The following INSC variants were observed in gnomAD, a reference collection of about 807,000 sequenced individuals.
INSC encodes the protein INSC spindle orientation adaptor protein.
A neutral mutation model predicts 58.6 loss-of-function variants in INSC; 67 were observed. The observed-to-expected ratio is 1.14, with a 90% CI of 0.94 to 1.40. The LOEUF (loss-of-function observed/expected upper bound fraction) is 1.40, where lower values mean the gene tolerates loss of function less well. INSC is among the 40% of genes most tolerant of loss of function. The pLI, the probability that INSC is intolerant of heterozygous loss-of-function variation, is 0.00. For missense variants in INSC, 714 were observed against 692.0 expected (o/e 1.03, Z -0.36); for synonymous variants, 262 against 276.1 (o/e 0.95, Z 0.51).
At chr11:15,242,681 T>G (rs1341972236) in intron 12 of INSC, among the ~76,000 whole-genome samples, 1 of 152,166 alleles carries the variant, frequency 6.6e-6, no homozygotes, top group African/African-American at 2.4e-5. Context: ...AATCTGTGTA[T>G]TAAAATTCTG....
chr11:15,170,615 A>G (rs1590393281), intron 2 of INSC, among the ~76,000 whole-genome samples: 1 of 152,176 alleles, frequency 6.6e-6, no homozygotes, highest in East Asian at 1.9e-4. Context: ...TGGTTAAAAT[A>G]GCGACTGCCA....
chr11:15,249,708 C>G (rs536276004), downstream of INSC, among the ~76,000 whole-genome samples: 1 of 152,128 alleles, frequency 6.6e-6, no homozygotes, highest in African/African-American at 2.4e-5. Flanking sequence ...GAAGTGTGCT[C>G]CAGGGAAAGG....
chr11:15,178,596 A>G (rs191967841), intron 5 of INSC, 149 bp downstream of exon 5: 8 of 1,006,138 alleles, frequency 8.0e-6, no homozygotes, highest in Non-Finnish European at 1.1e-5. Flanking sequence ...CAACTCCAGC[A>G]TTTGTGAAAC....
intron 1 of INSC, among the ~76,000 whole-genome samples, chr11:15,133,895 A>G (rs1423103368): frequency 6.6e-6 from 1 of 152,244 alleles, no homozygotes; most frequent in Admixed American, 6.5e-5. Context: ...TATTTAAAGT[A>G]TCTGGGCTAC....
At chr11:15,122,160 C>G (rs973424534) in intron 1 of INSC, among the ~76,000 whole-genome samples, 5 of 152,142 alleles carry the variant, frequency 3.3e-5, no homozygotes, top group Non-Finnish European at 7.4e-5. Context: ...TCAACCAATA[C>G]AATACATTGT....
At chr11:15,236,297 G>C (rs74512149) in intron 10 of INSC, among the ~76,000 whole-genome samples, 45 of 152,050 alleles carry the variant, frequency 3.0e-4, no homozygotes, top group African/African-American at 1.0e-3. Flanking sequence ...TCTCAGGGTG[G>C]GGGGGTGGTG....
At chr11:15,245,051 G>T (rs564982664) in intron 12 of INSC, among the ~76,000 whole-genome samples, 1 of 152,184 alleles carries the variant, frequency 6.6e-6, no homozygotes, top group African/African-American at 2.4e-5. Context: ...TGTGTTGTCT[G>T]CTATAGATAC....
intron 12 of INSC, among the ~76,000 whole-genome samples, chr11:15,245,595 G>T (rs1564927354): frequency 6.6e-6 from 1 of 152,136 alleles, no homozygotes; most frequent in Non-Finnish European, 1.5e-5. Context: ...TGAATGAATA[G>T]TTCTTGCTGT....
intron 2 of INSC, among the ~76,000 whole-genome samples, chr11:15,173,648 A>G (rs1849478065): frequency 6.6e-6 from 1 of 152,066 alleles, no homozygotes; most frequent in Non-Finnish European, 1.5e-5. Flanking sequence ...ATATGCATGT[A>G]TATGTATATG....
At chr11:15,141,191 C>T (rs1848362796) in intron 1 of INSC, among the ~76,000 whole-genome samples, 1 of 152,118 alleles carries the variant, frequency 6.6e-6, no homozygotes, top group African/African-American at 2.4e-5. Context: ...GCTGCCTGGA[C>T]ATTGCCCAGG....
intron 2 of INSC, among the ~76,000 whole-genome samples, chr11:15,152,127 G>T (rs1376164763): frequency 6.6e-6 from 1 of 152,194 alleles, no homozygotes; most frequent in Non-Finnish European, 1.5e-5. Context: ...AGTTATATGG[G>T]AACAGCCTTT....
Position 15,114,995 on chromosome 11 carries a change from G to A in INSC, c.-54G>A, listed in dbSNP as rs1465281579. ...GCCGCTCGCACTACCAGCCTGTCTCGCACGCTAAGTAAGTAGACAGCTCCC... is the reference window on the plus strand; with the variant it reads ...GCCGCTCGCACTACCAGCCTGTCTCACACGCTAAGTAAGTAGACAGCTCCC... On this transcript the variant is annotated 5_prime_UTR_variant, in exon 1 of 13. Coordinates refer to ENST00000379556, the MANE Select transcript of INSC (RefSeq NM_001042536.3). 2 of 985,358 alleles carry A rather than the reference G, an allele frequency of 2.0e-6. No individual in the cohort carries two copies. The highest frequency in any genetic ancestry group is 1.7e-5 in the African/African-American group (1 of 57,250). The allele number at this position is 985,358 out of a possible 1,614,324, so 61.0% of individuals were successfully genotyped here.
At chr11:15,128,811 A>G (rs952528695) in intron 1 of INSC, among the ~76,000 whole-genome samples, 1 of 152,202 alleles carries the variant, frequency 6.6e-6, no homozygotes, top group African/African-American at 2.4e-5. Context: ...GGCTGCAGCA[A>G]GCCCTCTGTG....
intron 7 of INSC, among the ~76,000 whole-genome samples, chr11:15,207,120 T>A (rs1850833717): frequency 6.6e-6 from 1 of 151,908 alleles, no homozygotes; most frequent in Non-Finnish European, 1.5e-5. Context: ...CGGACTATGG[T>A]CCAGATGAGG....
intron 7 of INSC, among the ~76,000 whole-genome samples, chr11:15,216,975 A>G (rs1589980621): frequency 6.6e-6 from 1 of 152,216 alleles, no homozygotes; most frequent in East Asian, 1.9e-4. Context: ...TTTTAGGCCT[A>G]TTTTATAAGA....
Position 15,246,155 on chromosome 11 carries a change from A to C in INSC, c.*115A>C. 1 of 1,138,884 alleles carries C rather than the reference A, an allele frequency of 8.8e-7. No homozygotes were observed. The highest frequency in any genetic ancestry group is 2.5e-5 in the Admixed American group (1 of 39,710). 70.5% of individuals were successfully genotyped at this position (1,138,884 alleles called of 1,614,324 possible). Reference sequence around the variant, plus strand: ...TCATCTTCTTATTTATACTTAACTTATTTTTGTGTGAAATAAATGGAGGAC... The same window carrying C: ...TCATCTTCTTATTTATACTTAACTTCTTTTTGTGTGAAATAAATGGAGGAC... On this transcript the variant is annotated 3_prime_UTR_variant, in exon 13 of 13. Transcript: ENST00000379556.
intron 6 of INSC, among the ~76,000 whole-genome samples, chr11:15,198,372 A>C (rs1321580610): frequency 6.6e-6 from 1 of 152,166 alleles, no homozygotes; most frequent in Admixed American, 6.5e-5. Context: ...AGTGCTAAGA[A>C]GGCCATTTTT....
intron 6 of INSC, 59 bp downstream of exon 6, chr11:15,190,873 T>C: frequency 8.7e-7 from 1 of 1,150,108 alleles, no homozygotes; most frequent in Non-Finnish European, 1.3e-6. Context: ...GGAAGCTCAC[T>C]TGTTCAATGG....
intron 2 of INSC, among the ~76,000 whole-genome samples, chr11:15,151,295 C>T (rs1848642354): frequency 6.6e-6 from 1 of 152,148 alleles, no homozygotes; most frequent in Non-Finnish European, 1.5e-5. Flanking sequence ...ATGTAATACC[C>T]ACCACCCACA....
Sources: allele counts gnomAD v4.1 joint callset (sites outside exome capture counted in the v4.1 genomes callset), GRCh38; gene constraint gnomAD v4.1.1; transcripts MANE v1.5; gene names NCBI Gene and HGNC (gene_info 2026-07-23, HGNC 2026-07-21).